The following NARF variants were observed in gnomAD, a reference collection of about 807,000 sequenced individuals.
The protein encoded by NARF is iron-only hydrogenase-like protein 2.
A neutral mutation model predicts 48.0 loss-of-function variants in NARF; 41 were observed. The observed-to-expected ratio is 0.85, with a 90% CI of 0.66 to 1.11. The LOEUF (loss-of-function observed/expected upper bound fraction) is 1.11, where lower values mean the gene tolerates loss of function less well. Among genes scored for constraint, NARF ranks in the 50% least tolerant of loss-of-function variants. The pLI is 0.00. For missense variants in NARF, 613 were observed against 590.2 expected (o/e 1.04, Z -0.40); for synonymous variants, 215 against 225.5 (o/e 0.95, Z 0.42).
intron 5 of NARF, among the ~76,000 whole-genome samples, chr17:82,478,290 G>C (rs1449721521): frequency 6.6e-6 from 1 of 152,204 alleles, no homozygotes; most frequent in East Asian, 1.9e-4. Flanking sequence ...TACAGATGTT[G>C]CTATTTATTA....
At position 82,484,915 on chromosome 17, in the gene NARF, C is replaced by T. The variant is rs143347926; in HGVS notation, c.936C>T (p.Asn312=). The T allele has an allele frequency of 2.0e-5, 33 of 1,612,728 alleles. No individual in the cohort carries two copies. In the East Asian group the frequency reaches 2.5e-4, roughly 12 times the overall value. The change falls in exon 9 of 11, where the codon AAC becomes AAT. Residue 312 remains asparagine (N), a synonymous_variant. Coordinates refer to ENST00000309794, the MANE Select transcript of NARF (RefSeq NM_012336.4). ...IFRHAAKELF[N]EDVEEVTYRA... ...GACATGCGGCCAAGGAGCTGTTCAA[C>T]GAGGATGTGGAGGAGGTCACTTACC...
At position 82,485,534 on chromosome 17, in the gene NARF, G is replaced by T. The variant is rs142485195; in HGVS notation, c.1009G>T (p.Gly337Ter). 6.2e-7 allele frequency: 1 copy of T among 1,614,252 alleles called. No homozygotes were observed. The highest frequency in any genetic ancestry group is 8.5e-7 in the Non-Finnish European group (1 of 1,180,046). The part of the protein sequence containing the change: ...DFQEVTLEKN[G>*]EVVLRFAAAY... ...CCAAGAGGTCACCCTTGAGAAGAAC[G>T]GAGAGGTGGTGTTACGCTTTGCTGC... is the stretch of plus-strand genomic sequence containing the variant. The change falls in exon 10 of 11, where the codon GGA becomes TGA. Residue 337 changes from glycine to a stop codon, truncating the protein, a stop_gained. Transcript: ENST00000309794. LOFTEE classifies it high-confidence loss of function.
Position 82,485,515 on chromosome 17 carries a change from G to A in NARF, c.990G>A (p.Glu330=). Residue 330 remains glutamate (E), a synonymous_variant, in exon 10 of 11, where the codon GAG becomes GAA. Coordinates refer to ENST00000309794, the MANE Select transcript of NARF (RefSeq NM_012336.4). Reference sequence around the variant, plus strand: ...TTTGTAGAAACAAAGACTTCCAAGAGGTCACCCTTGAGAAGAACGGAGAGG... The same window carrying A: ...TTTGTAGAAACAAAGACTTCCAAGAAGTCACCCTTGAGAAGAACGGAGAGG... The part of the protein sequence containing the change: ...YRALRNKDFQ[E]VTLEKNGEVV... 1 of 1,614,204 alleles carries A rather than the reference G, an allele frequency of 6.2e-7. No individual in the cohort carries two copies. The highest frequency in any genetic ancestry group is 8.5e-7 in the Non-Finnish European group (1 of 1,180,034).
rs1471294833 is a variant in NARF at position 82,490,216 on chromosome 17, A to G, written c.*2059A>G. 6.6e-6 allele frequency: 1 copy of G among 152,246 alleles called. No homozygotes were observed. The highest frequency in any genetic ancestry group is 1.5e-5 in the Non-Finnish European group (1 of 68,056). 9.4% of individuals were successfully genotyped at this position (152,246 alleles called of 1,614,324 possible). On this transcript the variant is annotated 3_prime_UTR_variant, in exon 11 of 11. Coordinates refer to ENST00000309794, the MANE Select transcript of NARF (RefSeq NM_012336.4). ...CGCCTGAAACTCCATGGAACCATGC[A>G]GCTGTACCCTAGGGCTCCTCCCAGG...
chr17:82,471,578 G>T (rs1194746336), intron 4 of NARF, among the ~76,000 whole-genome samples: 2 of 149,332 alleles, frequency 1.3e-5, no homozygotes, highest in Non-Finnish European at 3.0e-5. Context: ...GGATCACGAG[G>T]TCAGGAGATC....
At position 82,484,908 on chromosome 17, in the gene NARF, T is replaced by G; in HGVS notation, c.929T>G (p.Leu310Arg). The G allele has an allele frequency of 1.9e-6, 3 of 1,613,172 alleles. No homozygotes were observed. Among genetic ancestry groups the G allele is most frequent in the Non-Finnish European group, 2.5e-6 (3 of 1,179,538 alleles). ...ATCTTCAGACATGCGGCCAAGGAGC[T>G]GTTCAACGAGGATGTGGAGGAGGTC... Reference protein sequence around the residue: ...AHIFRHAAKELFNEDVEEVTY... With the variant: ...AHIFRHAAKERFNEDVEEVTY... Residue 310 changes from leucine (L) to arginine (R), a missense_variant, in exon 9 of 11, where the codon CTG (leucine) becomes CGG (arginine). Coordinates refer to ENST00000309794, the MANE Select transcript of NARF (RefSeq NM_012336.4).
intron 5 of NARF, 159 bp from the exon 6 acceptor site, chr17:82,478,641 G>C (rs955128029): frequency 2.6e-6 from 2 of 754,966 alleles, no homozygotes; most frequent in African/African-American, 3.4e-5. Flanking sequence ...CACCGAGGAC[G>C]GGTTTTGGGT....
intron 3 of NARF, 146 bp downstream of exon 3, chr17:82,464,576 C>A: frequency 9.9e-7 from 1 of 1,010,290 alleles, no homozygotes; most frequent in South Asian, 1.8e-5. Flanking sequence ...CCTGCTTTGA[C>A]CTTCCAAACC....
Position 82,458,756 on chromosome 17 carries a change from T to G in NARF, c.-48T>G. 2.0e-6 allele frequency: 3 copies of G among 1,478,444 alleles called. No homozygotes were observed. In the East Asian group the frequency reaches 8.3e-5, roughly 41 times the overall value. The allele number at this position is 1,478,444 out of a possible 1,614,324, so 91.6% of individuals were successfully genotyped here. On this transcript the variant is annotated 5_prime_UTR_variant, in exon 1 of 11. Transcript: ENST00000309794. ...GGGCAGTGGTGTCCCAGTCTCCCGG[T>G]GCTTCCCTGAGGCTGAGGCGCCCGG...
chr17:82,472,629 T>A lies in NARF; in HGVS notation c.451T>A (p.Phe151Ile). 1.2e-6 allele frequency: 2 copies of A among 1,613,924 alleles called. No individual in the cohort carries two copies. Among genetic ancestry groups the A allele is most frequent in the Non-Finnish European group, 1.7e-6 (2 of 1,179,938 alleles). ...TAGTATCCTGGAGAGTCAAAAAGAA[T>A]TCGTGCGTCGCTATCGCCAGCACAG... is the stretch of plus-strand genomic sequence containing the variant. ...DFSILESQKE[F>I]VRRYRQHSEE... Residue 151 changes from phenylalanine (F) to isoleucine (I), a missense_variant, in exon 5 of 11, where the codon TTC (phenylalanine) becomes ATC (isoleucine). Phe to Ile is a conservative substitution (Grantham distance 21, BLOSUM62 0). Transcript: ENST00000309794.
chr17:82,467,346 C>T (rs536141907), intron 3 of NARF, among the ~76,000 whole-genome samples: 20 of 152,300 alleles, frequency 1.3e-4, no homozygotes, highest in Admixed American at 6.5e-4. Context: ...CACGCCTGGC[C>T]CTTGACTCTT....
At chr17:82,484,361 G>A (rs2044045600) in intron 8 of NARF, 1 of 158,650 alleles carries the variant, frequency 6.3e-6, no homozygotes, top group Non-Finnish European at 1.4e-5. Context: ...TAAGATAGAA[G>A]TTTACAGAAT....
In NARF at chr17:82,488,132, C is replaced by T. The variant is rs757438753; in HGVS notation, c.1346C>T (p.Thr449Ile). Residue 449 changes from threonine to isoleucine, a missense_variant, in exon 11 of 11, where the codon ACA becomes ATA. By Grantham distance (89) the Thr-to-Ile change is moderately conservative. Transcript: ENST00000309794. ...HTTYQSQERG[T>I]HSLDIKW ...ACGTACCAGAGCCAGGAGCGTGGCA[C>T]ACACAGCCTGGACATCAAGTGGTGA... 1.2e-6 allele frequency: 2 copies of T among 1,613,988 alleles called. No homozygotes were observed. The highest frequency in any genetic ancestry group is 1.7e-6 in the Non-Finnish European group (2 of 1,179,990).
At chr17:82,458,993 C>G (rs2043358797) in intron 1 of NARF, 163 bp downstream of exon 1, 1 of 1,212,590 alleles carries the variant, frequency 8.2e-7, no homozygotes, top group African/African-American at 1.6e-5. Flanking sequence ...GCGGCCGGCG[C>G]GGGGTCCGCT....
intron 3 of NARF, among the ~76,000 whole-genome samples, chr17:82,464,880 C>G (rs1422913787): frequency 6.6e-6 from 1 of 152,254 alleles, no homozygotes; most frequent in Non-Finnish European, 1.5e-5. Context: ...CTCCTTCCTT[C>G]AGCTCATCCC....
chr17:82,489,563 C>A lies in NARF; in HGVS notation c.*1406C>A, dbSNP rs2044163150. On this transcript the variant is annotated 3_prime_UTR_variant, in exon 11 of 11. Transcript: ENST00000309794. Reference sequence around the variant, plus strand: ...TGAGGATATTCAGGTGGTCCAGCCTCCCGCAGAAGACTTCCCTGTCACCCT... The same window carrying A: ...TGAGGATATTCAGGTGGTCCAGCCTACCGCAGAAGACTTCCCTGTCACCCT... 6.6e-6 allele frequency: 1 copy of A among 152,352 alleles called. No individual in the cohort carries two copies. The highest frequency in any genetic ancestry group is 2.4e-5 in the African/African-American group (1 of 41,418). The allele number at this position is 152,352 out of a possible 1,614,324, so 9.4% of individuals were successfully genotyped here.
intron 10 of NARF, among the ~76,000 whole-genome samples, chr17:82,487,082 G>A (rs1411353835): frequency 2.6e-5 from 4 of 152,322 alleles, no homozygotes. Flanking sequence ...CAAATTCCAA[G>A]AGAAGTTGGA....
chr17:82,484,969 A>G lies in NARF; in HGVS notation c.971+19A>G, dbSNP rs771225373. 3 of 1,586,222 alleles carry G rather than the reference A, an allele frequency of 1.9e-6. No individual in the cohort carries two copies. Among genetic ancestry groups the G allele is most frequent in the African/African-American group, 2.7e-5 (2 of 74,254 alleles). Reference sequence around the variant, plus strand: ...CCCTGAGGTGTGGGGCAGTATCCACAGCCTGTCTGTGCCTGTGGTTAGCAC... The same window carrying G: ...CCCTGAGGTGTGGGGCAGTATCCACGGCCTGTCTGTGCCTGTGGTTAGCAC... On this transcript the variant is annotated intron_variant, in intron 9 of 10. Transcript: ENST00000309794.
chr17:82,484,981 C>G, intron 9 of NARF, 31 bp downstream of exon 9: 1 of 1,570,262 alleles, frequency 6.4e-7, no homozygotes, highest in South Asian at 1.2e-5. Flanking sequence ...CCTGTCTGTG[C>G]CTGTGGTTAG....
Sources: gnomAD v4.1 joint callset for allele counts (sites outside exome capture counted in the v4.1 genomes callset) on GRCh38, gnomAD v4.1.1 for gene constraint, MANE v1.5 for transcripts, NCBI Gene and HGNC (gene_info 2026-07-23, HGNC 2026-07-21) for gene names.